The following POLR3A variants were observed in gnomAD, a reference collection of about 807,000 sequenced individuals.
POLR3A encodes RNA polymerase III subunit A.
POLR3A carries 112 observed loss-of-function variants against 152.8 expected under a neutral mutation model. That is an observed-to-expected ratio of 0.73 (90% confidence interval 0.63 to 0.86). The LOEUF is 0.86. Ranked by LOEUF, POLR3A falls within the 40% of genes least tolerant of loss-of-function variation. POLR3A has a pLI of 0.00. For missense variants in POLR3A, 1,385 were observed against 1,743.1 expected, an observed-to-expected ratio of 0.79 and a Z score of 3.66; for synonymous variants, 615 against 652.1, an observed-to-expected ratio of 0.94 and a Z score of 0.87.
intron 21 of POLR3A, among the ~76,000 whole-genome samples, chr10:77,988,959 G>T (rs995793550): frequency 2.6e-5 from 4 of 152,174 alleles, no homozygotes; most frequent in Non-Finnish European, 5.9e-5. Context: ...CACATAGGGA[G>T]TAAAATTAAC....
rs757893004 is a variant in POLR3A, at chr10:78,024,511, GAGGCAGGCGGA to G, written c.645+27_645+37del. The G allele has an allele frequency of 1.0e-3, 1,677 of 1,608,866 alleles. 20 individuals are homozygous for G. The East Asian group carries it at 0.022, about 21-fold the overall frequency. On this transcript the variant is annotated intron_variant, in intron 5 of 30. Coordinates refer to ENST00000372371, the MANE Select transcript of POLR3A (RefSeq NM_007055.4). ...TGTGACGTGCGGAAGAGGCAGGCGG[GAGGCAGGCGGA>G]AGGCAGGCGTGCATTCTCAGGCTCA...
chr10:78,007,869 G>A lies in POLR3A; in HGVS notation c.1910-3C>T, dbSNP rs1406605909. ...CTCACTGTTCTGGATTGTAACATCT[G>A]GAAGAATGATTATATATTTAGACAA... is the stretch of plus-strand genomic sequence containing the variant. On this transcript the variant is annotated splice_region_variant and splice_polypyrimidine_tract_variant and intron_variant, in intron 14 of 30. Transcript: ENST00000372371. 1.2e-6 allele frequency: 2 copies of A among 1,609,788 alleles called. No homozygotes were observed. Among genetic ancestry groups the A allele is most frequent in the African/African-American group, 1.3e-5 (1 of 74,904 alleles).
chr10:77,988,816 C>T (rs1262672243), intron 21 of POLR3A, among the ~76,000 whole-genome samples: 1 of 152,168 alleles, frequency 6.6e-6, no homozygotes, highest in African/African-American at 2.4e-5. Flanking sequence ...CCCGAAAGCC[C>T]TCTTGGCCCA....
intron 8 of POLR3A, among the ~76,000 whole-genome samples, chr10:78,021,138 GT>G (rs1358683852): frequency 2.6e-5 from 4 of 152,050 alleles, no homozygotes; most frequent in African/African-American, 9.7e-5. Flanking sequence ...CTAATTTTTT[GT>G]ATTTTTGGTA....
chr10:77,991,303 C>T (rs1364604229), intron 20 of POLR3A, 136 bp from the exon 21 acceptor site: 14 of 690,888 alleles, frequency 2.0e-5, no homozygotes, highest in Non-Finnish European at 3.7e-5. Flanking sequence ...TCTTTCAAAA[C>T]AAATTGTGGA....
intron 1 of POLR3A, among the ~76,000 whole-genome samples, chr10:78,028,259 C>A (rs1372660459): frequency 1.3e-5 from 2 of 152,166 alleles, no homozygotes; most frequent in African/African-American, 2.4e-5. Flanking sequence ...TCCTTCTGAT[C>A]ACCTGTGTTC....
intron 19 of POLR3A, among the ~76,000 whole-genome samples, chr10:77,995,558 C>T (rs550265161): frequency 0.013 from 1,930 of 152,066 alleles, 20 homozygotes; most frequent in Non-Finnish European, 0.019. Context: ...TCAAAAGAGA[C>T]AAAGAAGGCC....
Position 77,980,277 on chromosome 10 carries a change from C to T in POLR3A, c.3892-4G>A, listed in dbSNP as rs751872362. On this transcript the variant is annotated splice_region_variant and splice_polypyrimidine_tract_variant and intron_variant, in intron 29 of 30. Coordinates refer to ENST00000372371, the MANE Select transcript of POLR3A (RefSeq NM_007055.4). ...TAGTGATGCCCAGGACTTCACCCTG[C>T]GTCAAGGGAGAAAGAGTCACGGTGG... 2.0e-5 allele frequency: 33 copies of T among 1,613,690 alleles called. 1 individual carries two copies. Among genetic ancestry groups the T allele is most frequent in the South Asian group, 1.3e-4 (12 of 91,066 alleles).
chr10:77,985,470 T>C, intron 23 of POLR3A, 130 bp from the exon 24 acceptor site: 1 of 761,718 alleles, frequency 1.3e-6, no homozygotes. Context: ...AAAGGGTATG[T>C]CTGTGACAGA....
intron 28 of POLR3A, 126 bp from the exon 29 acceptor site, chr10:77,981,685 G>T: frequency 8.1e-7 from 1 of 1,228,894 alleles, no homozygotes. Flanking sequence ...ATGGATTGCT[G>T]GGCAATTTTC....
At chr10:78,024,519 C>A in intron 5 of POLR3A, 30 bp downstream of exon 5, 2 of 1,606,114 alleles carry the variant, frequency 1.2e-6, no homozygotes, top group Non-Finnish European at 8.5e-7. Flanking sequence ...GGGAGGCAGG[C>A]GGAAGGCAGG....
Position 78,024,585 on chromosome 10 carries a change from A to G in POLR3A, c.609T>C (p.His203=). The change falls in exon 5 of 31, where the codon CAT becomes CAC. Residue 203 remains histidine, a synonymous_variant. Coordinates refer to ENST00000372371, the MANE Select transcript of POLR3A (RefSeq NM_007055.4). ...FLQSFETAIE[H]NKEVEPLLGR... ...CCAGCAGAGGCTCCACTTCTTTATT[A>G]TGTTCAATGGCTGTTTCAAAAGACT... is the stretch of plus-strand genomic sequence containing the variant. 1.2e-6 allele frequency: 2 copies of G among 1,613,928 alleles called. No individual in the cohort carries two copies. The highest frequency in any genetic ancestry group is 1.7e-6 in the Non-Finnish European group (2 of 1,180,000).
chr10:78,003,768 C>T (rs542682561), intron 16 of POLR3A, among the ~76,000 whole-genome samples: 26 of 147,800 alleles, frequency 1.8e-4, no homozygotes, highest in Admixed American at 1.0e-3. Flanking sequence ...ACTAAAAATG[C>T]AAAAAAAAAA....
chr10:78,010,549 AAAGT>A lies in POLR3A; in HGVS notation c.1573-13_1573-10del. On this transcript the variant is annotated splice_polypyrimidine_tract_variant and intron_variant, in intron 11 of 30. Transcript: ENST00000372371. ...ACAAGATTTGCTTTAGTCTGTAGGAAAAGTAAGCGCAGTCAGTTAGCTGTTCTCG... is the reference window on the plus strand; with the variant it reads ...ACAAGATTTGCTTTAGTCTGTAGGAAAAGCGCAGTCAGTTAGCTGTTCTCG... The A allele has an allele frequency of 6.2e-7, 1 of 1,610,794 alleles. No homozygotes were observed. The highest frequency in any genetic ancestry group is 8.5e-7 in the Non-Finnish European group (1 of 1,176,916).
chr10:78,013,226 G>A, intron 11 of POLR3A: 1 of 283,140 alleles, frequency 3.5e-6, no homozygotes, highest in Non-Finnish European at 6.8e-6. Flanking sequence ...CATTCAGAAT[G>A]TTCAATAAAA....
chr10:78,004,937 A>G (rs1307245627), intron 15 of POLR3A, 49 bp from the exon 16 acceptor site: 1 of 1,431,480 alleles, frequency 7.0e-7, no homozygotes, highest in Non-Finnish European at 9.9e-7. Flanking sequence ...GAGACTCAGC[A>G]AACCTACTAA....
chr10:78,018,060 C>T lies in POLR3A; in HGVS notation c.1290-344G>A, dbSNP rs190733528. 9.4e-4 allele frequency among the ~76,000 whole-genome samples: 142 copies of T among 151,184 alleles called. No individual in the cohort carries two copies. The East Asian group carries it at 0.026, about 28-fold the overall frequency. ...GTGGTGGGGTGTGTGCCTTTAATCC[C>T]ATCTACTTTGGAGCCTAAGGTGGGA... On this transcript the variant is annotated intron_variant, in intron 9 of 30. Transcript: ENST00000372371.
chr10:78,022,223 A>C lies in POLR3A; in HGVS notation c.807T>G (p.Asp269Glu), dbSNP rs746377379. The C allele has an allele frequency of 3.1e-6, 5 of 1,614,110 alleles. No individual in the cohort carries two copies. In the African/African-American group the frequency reaches 6.7e-5, roughly 22 times the overall value. The change falls in exon 6 of 31, where the codon GAT (aspartate) becomes GAG (glutamate). Residue 269 changes from aspartate to glutamate, a missense_variant. This residue lies in a region of POLR3A where 493 missense variants were observed against 647.5 expected (regional missense o/e 0.76). Transcript: ENST00000372371. ...CATCTTCATTGGTGCCAGACTTCAAATCACTCACAACGGAGGGTCTGATAC... is the reference window on the plus strand; with the variant it reads ...CATCTTCATTGGTGCCAGACTTCAACTCACTCACAACGGAGGGTCTGATAC... ...PLCIRPSVVS[D>E]LKSGTNEDDL... is the part of the protein sequence containing the mutation.
In POLR3A at chr10:78,029,319, C is replaced by T. The variant is rs1489719412; in HGVS notation, c.44+45G>A. 6 of 1,606,998 alleles carry T rather than the reference C, an allele frequency of 3.7e-6. No homozygotes were observed. In the Admixed American group the frequency reaches 6.7e-5, roughly 18 times the overall value. On this transcript the variant is annotated intron_variant, in intron 1 of 30. Coordinates refer to ENST00000372371, the MANE Select transcript of POLR3A (RefSeq NM_007055.4). ...ACCCGGGACCGCTGACCTCGGACCC[C>T]TTGCCCTATTTCTCAGCCCTTTGGC...
Sources: allele counts gnomAD v4.1 joint callset (sites outside exome capture counted in the v4.1 genomes callset), GRCh38; gene constraint gnomAD v4.1.1; regional missense constraint gnomAD v4.1.1; transcripts MANE v1.5; gene names NCBI Gene and HGNC (gene_info 2026-07-23, HGNC 2026-07-21).